COL14A1: variants seen among roughly 807,000 people sequenced by gnomAD.
COL14A1 encodes collagen type XIV alpha 1 chain.
A neutral mutation model predicts 230.3 loss-of-function variants in COL14A1; 136 were observed. The ratio of observed to expected loss-of-function variants is 0.59; its 90% CI spans 0.51 to 0.68. The LOEUF (loss-of-function observed/expected upper bound fraction) is 0.68, where lower values mean the gene tolerates loss of function less well. Ranked by LOEUF, COL14A1 falls within the 30% of genes least tolerant of loss-of-function variation. The probability of loss-of-function intolerance (pLI) is 0.00; values close to 1 mark genes in which losing one functional copy is unlikely to be tolerated. For missense variants in COL14A1, 1,976 were observed against 2,215.8 expected (o/e 0.89, Z 2.17); for synonymous variants, 792 against 784.1 (o/e 1.01, Z -0.17).
chr8:120,281,069 TG>T lies in COL14A1; in HGVS notation c.3824+11del. ...TTTCCCAGCCAACCAGGTATGTTTC[TG>T]TTGAAAGATTTTAAAGTCATCGTAT... On this transcript the variant is annotated intron_variant, in intron 31 of 47. Coordinates refer to ENST00000297848, the MANE Select transcript of COL14A1 (RefSeq NM_021110.4). 1 of 1,595,800 alleles carries T rather than the reference TG, an allele frequency of 6.3e-7. No individual in the cohort carries two copies. Among genetic ancestry groups the T allele is most frequent in the Non-Finnish European group, 8.5e-7 (1 of 1,174,460 alleles).
intron 25 of COL14A1, among the ~76,000 whole-genome samples, chr8:120,267,202 G>A (rs746612857): frequency 4.6e-5 from 7 of 152,046 alleles, no homozygotes; most frequent in Non-Finnish European, 7.4e-5. Flanking sequence ...CTCAGATACA[G>A]TAATAGTTTC....
At chr8:120,333,351 A>G (rs1237385065) in intron 42 of COL14A1, among the ~76,000 whole-genome samples, 1 of 152,214 alleles carries the variant, frequency 6.6e-6, no homozygotes, top group Non-Finnish European at 1.5e-5. Flanking sequence ...TTCATCTGTA[A>G]AATGAGGTCA....
chr8:120,288,575 G>C (rs956292595), intron 33 of COL14A1, among the ~76,000 whole-genome samples: 3 of 152,102 alleles, frequency 2.0e-5, no homozygotes, highest in African/African-American at 7.2e-5. Context: ...GCCCAAGATT[G>C]TTTTTCTTTG....
intron 40 of COL14A1, among the ~76,000 whole-genome samples, chr8:120,316,236 C>T (rs1195902004): frequency 6.6e-6 from 1 of 152,148 alleles, no homozygotes; most frequent in East Asian, 1.9e-4. Context: ...CATCCCTTTC[C>T]GAGTGCTCCC....
At chr8:120,281,568 A>G (rs1339760184) in intron 31 of COL14A1, among the ~76,000 whole-genome samples, 2 of 150,664 alleles carry the variant, frequency 1.3e-5, no homozygotes, top group African/African-American at 4.9e-5. Flanking sequence ...CCGTCTTTAA[A>G]AAAAAAAAAA....
chr8:120,292,445 A>T (rs1820401929), intron 34 of COL14A1, among the ~76,000 whole-genome samples: 1 of 152,120 alleles, frequency 6.6e-6, no homozygotes, highest in Non-Finnish European at 1.5e-5. Flanking sequence ...TACTAACTAG[A>T]TTTTCAGTCT....
At chr8:120,135,320 G>A (rs111834544) in intron 1 of COL14A1, among the ~76,000 whole-genome samples, 3,602 of 152,080 alleles carry the variant, frequency 0.024, 58 homozygotes, top group African/African-American at 0.035. Flanking sequence ...CTGGAGTGCA[G>A]TGGCACAATC....
Position 120,209,794 on chromosome 8 carries a change from G to A in COL14A1, c.1360G>A (p.Val454Met), listed in dbSNP as rs373287048. 5.0e-5 allele frequency: 80 copies of A among 1,613,612 alleles called. 1 individual carries two copies. The highest frequency in any genetic ancestry group is 6.4e-5 in the Non-Finnish European group (76 of 1,179,786). ...PMASDLLLYDVTENSMRVKWD... is the reference protein window; with the variant it reads ...PMASDLLLYDMTENSMRVKWD... The stretch of plus-strand genomic sequence containing the variant: ...GGCTTCTGACCTTCTACTGTACGAC[G>A]TGACTGAGAACAGCATGCGAGTCAA... Residue 454 changes from valine to methionine, a missense_variant, in exon 12 of 48, where the codon GTG (valine) becomes ATG (methionine). Physicochemically the swap from Val to Met is conservative, Grantham distance 21. Around this residue, in one of 3 missense-constraint regions of COL14A1, gnomAD observed 1,791 missense variants for 2,019.5 expected, o/e 0.89. Coordinates refer to ENST00000297848, the MANE Select transcript of COL14A1 (RefSeq NM_021110.4).
At chr8:120,316,894 T>C (rs1322763339) in intron 40 of COL14A1, among the ~76,000 whole-genome samples, 1 of 152,190 alleles carries the variant, frequency 6.6e-6, no homozygotes, top group African/African-American at 2.4e-5. Flanking sequence ...TGAATGCATG[T>C]GCACACTTAC....
intron 1 of COL14A1, among the ~76,000 whole-genome samples, chr8:120,147,388 T>C (rs1815132068): frequency 6.6e-6 from 1 of 152,208 alleles, no homozygotes; most frequent in Non-Finnish European, 1.5e-5. Flanking sequence ...TATATATTTG[T>C]TCTTTGTAGG....
chr8:120,187,719 T>G (rs527925219), intron 5 of COL14A1, among the ~76,000 whole-genome samples: 1 of 152,304 alleles, frequency 6.6e-6, no homozygotes, highest in South Asian at 2.1e-4. Flanking sequence ...GGAAAAACAT[T>G]CTAGACAAAT....
At chr8:120,151,834 A>G (rs964693268) in intron 2 of COL14A1, among the ~76,000 whole-genome samples, 2 of 152,086 alleles carry the variant, frequency 1.3e-5, no homozygotes, top group African/African-American at 4.8e-5. Context: ...GGTGGGCCCA[A>G]TGTAACTGCA....
At position 120,321,748 on chromosome 8, in the gene COL14A1, G is replaced by A. The variant is rs561796214; in HGVS notation, c.4659+5751G>A. 1.2e-4 allele frequency among the ~76,000 whole-genome samples: 18 copies of A among 152,182 alleles called. No homozygotes were observed. The South Asian group carries it at 3.5e-3, about 30-fold the overall frequency. ...CCTGGTTCTAACACTGTCCTTCAGC[G>A]TCGGCACTTGCATTTTATATTGGTA... On this transcript the variant is annotated intron_variant, in intron 40 of 47. Transcript: ENST00000297848.
chr8:120,289,674 G>A lies in COL14A1; in HGVS notation c.4144G>A (p.Ala1382Thr). 6.2e-7 allele frequency: 1 copy of A among 1,614,092 alleles called. No individual in the cohort carries two copies. The highest frequency in any genetic ancestry group is 1.7e-5 in the Admixed American group (1 of 60,008). ...TGACTGCAAGCAAGTGGGTGAGAAGGCAATGAACGCATCAGCTAATATCAC... is the reference window on the plus strand; with the variant it reads ...TGACTGCAAGCAAGTGGGTGAGAAGACAATGAACGCATCAGCTAATATCAC... ...VIDCKQVGEK[A>T]MNASANITSD... The change falls in exon 34 of 48, where the codon GCA (alanine) becomes ACA (threonine). Residue 1382 changes from alanine (A) to threonine (T), a missense_variant. Coordinates refer to ENST00000297848, the MANE Select transcript of COL14A1 (RefSeq NM_021110.4).
chr8:120,151,945 C>T (rs963238982), intron 2 of COL14A1, among the ~76,000 whole-genome samples: 3 of 151,774 alleles, frequency 2.0e-5, no homozygotes, highest in South Asian at 2.1e-4. Flanking sequence ...TGGAAAGAGA[C>T]CACAAGTCAA....
chr8:120,210,142 T>G (rs942816410), intron 12 of COL14A1, among the ~76,000 whole-genome samples: 1 of 152,194 alleles, frequency 6.6e-6, no homozygotes, highest in African/African-American at 2.4e-5. Flanking sequence ...TTTCATTTTA[T>G]TTGTTGTGAA....
chr8:120,371,849 C>G lies in COL14A1; in HGVS notation c.*618C>G, dbSNP rs1281589065. Reference sequence around the variant, plus strand: ...AGATTTAGTTTTTCAGTGGTTTTAACTCATGTGAAATAATGATTTTCCACC... The same window carrying G: ...AGATTTAGTTTTTCAGTGGTTTTAAGTCATGTGAAATAATGATTTTCCACC... On this transcript the variant is annotated 3_prime_UTR_variant, in exon 48 of 48. Transcript: ENST00000297848. 1 of 378,740 alleles carries G rather than the reference C, an allele frequency of 2.6e-6. No individual in the cohort carries two copies. The highest frequency in any genetic ancestry group is 3.7e-5 in the East Asian group (1 of 26,824). The allele number at this position is 378,740 out of a possible 1,614,324, so 23.5% of individuals were successfully genotyped here.
chr8:120,159,665 A>C (rs74556922), intron 3 of COL14A1, among the ~76,000 whole-genome samples: 5,453 of 152,060 alleles, frequency 0.036, 326 homozygotes, highest in African/African-American at 0.12. Flanking sequence ...TGGTCACCAA[A>C]AGGCCAAATC....
Position 120,165,884 on chromosome 8 carries a change from T to C in COL14A1, c.350-2277T>C, listed in dbSNP as rs1815853382. Among the ~76,000 whole-genome samples, 2 of 152,178 alleles carry C rather than the reference T, an allele frequency of 1.3e-5. 1 individual carries two copies. The highest frequency in any genetic ancestry group is 4.1e-4 in the South Asian group (2 of 4,826). On this transcript the variant is annotated intron_variant, in intron 4 of 47. Coordinates refer to ENST00000297848, the MANE Select transcript of COL14A1 (RefSeq NM_021110.4). The stretch of plus-strand genomic sequence containing the variant: ...GGAGCACATGAAGTGGGGGCACCCA[T>C]AAGCCAAGGTCTTTAATGGGGTCCA...
Sources: allele counts gnomAD v4.1 joint callset (sites outside exome capture counted in the v4.1 genomes callset), GRCh38; gene constraint gnomAD v4.1.1; regional missense constraint gnomAD v4.1.1; transcripts MANE v1.5; gene names NCBI Gene and HGNC (gene_info 2026-07-23, HGNC 2026-07-21).